ERBB4: variants seen among roughly 807,000 people sequenced by gnomAD.
ERBB4 encodes the protein receptor tyrosine-protein kinase erbB-4.
A neutral mutation model predicts 158.0 loss-of-function variants in ERBB4; 42 were observed. The observed-to-expected ratio is 0.27, with a 90% CI of 0.21 to 0.34. The LOEUF is 0.34. Ranked by LOEUF, ERBB4 falls within the 10% of genes least tolerant of loss-of-function variation. The pLI is 1.00. For missense variants in ERBB4, 1,333 were observed against 1,624.1 expected, an observed-to-expected ratio of 0.82 and a Z score of 3.08; for synonymous variants, 583 against 558.7, an observed-to-expected ratio of 1.04 and a Z score of -0.61.
At position 212,324,862 on chromosome 2, in the gene ERBB4, T is replaced by G. The variant is rs532655551; in HGVS notation, c.83-199959A>C. Among the ~76,000 whole-genome samples, 11 of 82,660 alleles carry G rather than the reference T, an allele frequency of 1.3e-4. 1 individual carries two copies. Among genetic ancestry groups the G allele is most frequent in the Non-Finnish European group, 2.5e-4 (8 of 32,364 alleles). The allele number at this position is 82,660 out of a possible 152,430, so 54.2% of individuals were successfully genotyped here. Reference sequence around the variant, plus strand: ...ATTTAGGGAGATATCCAATTCCTAATATTCAGTATGCTCAAAAATTTTTTC... The same window carrying G: ...ATTTAGGGAGATATCCAATTCCTAAGATTCAGTATGCTCAAAAATTTTTTC... On this transcript the variant is annotated intron_variant, in intron 1 of 27. Transcript: ENST00000342788.
chr2:212,307,833 C>T (rs1050064873), intron 1 of ERBB4, among the ~76,000 whole-genome samples: 2 of 150,590 alleles, frequency 1.3e-5, no homozygotes, highest in African/African-American at 4.9e-5. Context: ...ATTTTCTTTG[C>T]CCCAGAACAG....
At position 211,624,985 on chromosome 2, in the gene ERBB4, C is replaced by T. The variant is rs1001771574; in HGVS notation, c.2080-941G>A. On this transcript the variant is annotated intron_variant, in intron 17 of 27. Transcript: ENST00000342788. ...GTAAAATTAGGCTGATAGTTTTAGA[C>T]GTCATCATTGCGTTGTGATTCAGTT... 3.3e-5 allele frequency among the ~76,000 whole-genome samples: 5 copies of T among 149,846 alleles called. No homozygotes were observed. The East Asian group carries it at 7.9e-4, about 24-fold the overall frequency.
intron 1 of ERBB4, among the ~76,000 whole-genome samples, chr2:212,139,145 A>T (rs925541482): frequency 6.6e-6 from 1 of 152,138 alleles, no homozygotes; most frequent in Non-Finnish European, 1.5e-5. Context: ...TAAGATATTG[A>T]AAGTAAAAGT....
chr2:212,151,574 A>G (rs1382930097), intron 1 of ERBB4, among the ~76,000 whole-genome samples: 2 of 151,926 alleles, frequency 1.3e-5, no homozygotes, highest in South Asian at 4.1e-4. Context: ...AAAATTTTGG[A>G]AATACAATAA....
chr2:211,623,870 C>G, intron 18 of ERBB4, 52 bp downstream of exon 18: 2 of 1,588,838 alleles, frequency 1.3e-6, no homozygotes, highest in Non-Finnish European at 1.7e-6. Context: ...CTATTATTTT[C>G]TAAACATCTA....
rs143588833 is a variant in ERBB4 at position 211,562,002 on chromosome 2, A to G, written c.2388T>C (p.Thr796=). The change falls in exon 20 of 28, where the codon ACT becomes ACC. Residue 796 remains threonine (T), a synonymous_variant. Transcript: ENST00000342788. ...ACAGGCAGCCATGGGGCATAAGTTG[A>G]GTAACCAGCTGGATGGTTGGGCTCA... is the stretch of plus-strand genomic sequence containing the variant. The part of the protein sequence containing the change: ...VCLSPTIQLV[T]QLMPHGCLLE... The G allele has an allele frequency of 3.1e-6, 5 of 1,614,046 alleles. No homozygotes were observed. The African/African-American group carries it at 5.3e-5, about 17-fold the overall frequency.
At chr2:211,656,951 C>G (rs2071239636) in intron 16 of ERBB4, among the ~76,000 whole-genome samples, 1 of 152,092 alleles carries the variant, frequency 6.6e-6, no homozygotes, top group South Asian at 2.1e-4. Flanking sequence ...GGGAATGAGT[C>G]TTACGTTTTG....
chr2:211,978,784 G>T (rs2081705467), intron 2 of ERBB4, among the ~76,000 whole-genome samples: 1 of 152,078 alleles, frequency 6.6e-6, no homozygotes, highest in African/African-American at 2.4e-5. Context: ...ATAAATTGGT[G>T]AACATCAAGG....
intron 5 of ERBB4, among the ~76,000 whole-genome samples, chr2:211,749,247 T>C (rs373541089): frequency 4.6e-5 from 7 of 152,332 alleles, no homozygotes; most frequent in African/African-American, 1.7e-4. Context: ...TTTGCTGTTC[T>C]CTACCCATTT....
intron 1 of ERBB4, among the ~76,000 whole-genome samples, chr2:212,506,865 T>C (rs1482583053): frequency 1.3e-5 from 2 of 152,176 alleles, no homozygotes; most frequent in Admixed American, 6.5e-5. Flanking sequence ...TAGTTAATAT[T>C]ATTAATGAAG....
At chr2:211,524,414 G>A (rs1205723500) in intron 20 of ERBB4, among the ~76,000 whole-genome samples, 1 of 151,278 alleles carries the variant, frequency 6.6e-6, no homozygotes, top group Non-Finnish European at 1.5e-5. Flanking sequence ...GGGACTGGGT[G>A]CCGTGGAGCA....
At chr2:211,439,224 G>A (rs2063922177) in intron 20 of ERBB4, among the ~76,000 whole-genome samples, 1 of 152,102 alleles carries the variant, frequency 6.6e-6, no homozygotes, top group African/African-American at 2.4e-5. Context: ...CAAAATTCTG[G>A]TCTTATGGTT....
chr2:212,073,077 C>A (rs1272651942), intron 2 of ERBB4, among the ~76,000 whole-genome samples: 2 of 151,656 alleles, frequency 1.3e-5, no homozygotes, highest in African/African-American at 4.8e-5. Flanking sequence ...TCCAAGCAGG[C>A]AGAGAACCAG....
At chr2:211,856,578 G>A (rs528595583) in intron 3 of ERBB4, among the ~76,000 whole-genome samples, 73 of 151,804 alleles carry the variant, frequency 4.8e-4, no homozygotes, top group South Asian at 1.5e-3. Flanking sequence ...CAGTAGAGAC[G>A]GGGTTTCACC....
At chr2:212,277,422 C>G (rs1341343614) in intron 1 of ERBB4, among the ~76,000 whole-genome samples, 1 of 151,696 alleles carries the variant, frequency 6.6e-6, no homozygotes, top group Non-Finnish European at 1.5e-5. Flanking sequence ...ATTTCACCCC[C>G]GAATAAATAA....
intron 1 of ERBB4, among the ~76,000 whole-genome samples, chr2:212,271,511 T>C (rs2085342483): frequency 6.6e-6 from 1 of 151,824 alleles, no homozygotes; most frequent in Non-Finnish European, 1.5e-5. Flanking sequence ...TATCAGTATC[T>C]TTAATAATTT....
chr2:211,658,942 A>C (rs1484848166), intron 15 of ERBB4, among the ~76,000 whole-genome samples: 1 of 152,122 alleles, frequency 6.6e-6, no homozygotes, highest in African/African-American at 2.4e-5. Context: ...GCTCCAGAAC[A>C]TTATCAAGAT....
At chr2:212,007,333 C>G (rs6733992) in intron 2 of ERBB4, among the ~76,000 whole-genome samples, 1 of 151,454 alleles carries the variant, frequency 6.6e-6, no homozygotes, top group African/African-American at 2.4e-5. Flanking sequence ...TCAAAAATAT[C>G]AAAGGACTAT....
intron 3 of ERBB4, among the ~76,000 whole-genome samples, chr2:211,905,636 G>T (rs1207746818): frequency 9.4e-6 from 1 of 106,028 alleles, no homozygotes; most frequent in Non-Finnish European, 1.9e-5. Context: ...GAGCAGTAAA[G>T]TAGGAAGGAT....
Sources: gnomAD v4.1 joint callset for allele counts (sites outside exome capture counted in the v4.1 genomes callset) on GRCh38, gnomAD v4.1.1 for gene constraint, MANE v1.5 for transcripts, NCBI Gene and HGNC (gene_info 2026-07-23, HGNC 2026-07-21) for gene names.